Variants in AJM1 observed in about 807,000 individuals in gnomAD.
AJM1 encodes the protein uncharacterized protein C9orf172.
AJM1 carries 22 observed loss-of-function variants against 43.0 expected under a neutral mutation model. The ratio of observed to expected loss-of-function variants is 0.51; its 90% CI spans 0.37 to 0.73. The LOEUF is 0.73. AJM1 is among the 30% of genes least tolerant of loss of function. AJM1 has a pLI of 0.00. For missense variants in AJM1, 1,305 were observed against 1,343.3 expected, an observed-to-expected ratio of 0.97 and a Z score of 0.45; for synonymous variants, 719 against 638.3, an observed-to-expected ratio of 1.13 and a Z score of -1.91.
At position 136,844,613 on chromosome 9, in the gene AJM1, C is replaced by G. The variant is rs1412687041; in HGVS notation, c.199C>G (p.Leu67Val). The G allele has an allele frequency of 3.8e-6, 6 of 1,563,508 alleles. No homozygotes were observed. Among genetic ancestry groups the G allele is most frequent in the Non-Finnish European group, 5.2e-6 (6 of 1,156,944 alleles). ...GCTGGACGGGCCGGCCATGGAGACC[C>G]TGCCGGAGCCACCGCCGCCGGAGTC... ...EALDGPAMETLPEPPPPESAV... is the reference protein window; with the variant it reads ...EALDGPAMETVPEPPPPESAV... The change falls in exon 3 of 3, where the codon CTG (leucine) becomes GTG (valine). Residue 67 changes from leucine to valine, a missense_variant. By Grantham distance (32) the Leu-to-Val change is conservative (BLOSUM62 1). This residue lies in a region of AJM1 where 128 missense variants were observed against 120.6 expected (regional missense o/e 1.06). Coordinates refer to ENST00000436881, the MANE Select transcript of AJM1 (RefSeq NM_001080482.5).
rs928617836 is a variant in AJM1 at position 136,842,565 on chromosome 9, G to A, written c.-168G>A. Among the ~76,000 whole-genome samples, 9 of 152,366 alleles carry A rather than the reference G, an allele frequency of 5.9e-5. No individual in the cohort carries two copies. Among genetic ancestry groups the A allele is most frequent in the East Asian group, 1.9e-4 (1 of 5,192 alleles). Reference sequence around the variant, plus strand: ...CGACCTGGGGGTGGCACAGCCCACCGGGGCACAGCCAGAGCAGCACCCAGG... The same window carrying A: ...CGACCTGGGGGTGGCACAGCCCACCAGGGCACAGCCAGAGCAGCACCCAGG... On this transcript the variant is annotated 5_prime_UTR_variant, in exon 1 of 3. Transcript: ENST00000436881.
intron 1 of AJM1, among the ~76,000 whole-genome samples, 48 bp from the exon 2 acceptor site, chr9:136,844,148 G>C (rs1229872425): frequency 6.6e-6 from 1 of 152,166 alleles, no homozygotes; most frequent in Non-Finnish European, 1.5e-5. Context: ...GGGAGAGGAC[G>C]GGGGGACGGG....
chr9:136,846,373 C>T lies in AJM1; in HGVS notation c.1959C>T (p.Pro653=). The T allele has an allele frequency of 1.3e-6, 2 of 1,494,948 alleles. No individual in the cohort carries two copies. Among genetic ancestry groups the T allele is most frequent in the Non-Finnish European group, 1.8e-6 (2 of 1,124,148 alleles). The allele number at this position is 1,494,948 out of a possible 1,614,324, so 92.6% of individuals were successfully genotyped here. ...CGGGAGAGGCGGCCGACGCGTCCCC[C>T]GAACCCAGCGCCGACGAGGACGACC... ...AAPGEAADAS[P]EPSADEDDLM... is the part of the protein sequence containing the mutation. The change falls in exon 3 of 3, where the codon CCC becomes CCT. Residue 653 remains proline (P), a synonymous_variant. Transcript: ENST00000436881.
rs773635433 is a variant in AJM1, at chr9:136,846,455, C to G, written c.2041C>G (p.Leu681Val). Reference protein sequence around the residue: ...RRTETMFNACLYFKSCHSCYT... With the variant: ...RRTETMFNACVYFKSCHSCYT... Reference sequence around the variant, plus strand: ...CACCGAGACCATGTTCAACGCCTGCCTCTACTTCAAGTCCTGCCACAGCTG... The same window carrying G: ...CACCGAGACCATGTTCAACGCCTGCGTCTACTTCAAGTCCTGCCACAGCTG... Residue 681 changes from leucine (L) to valine (V), a missense_variant, in exon 3 of 3, where the codon CTC (leucine) becomes GTC (valine). Physicochemically the swap from Leu to Val is conservative, Grantham distance 32. This residue lies in a region of AJM1 where 391 missense variants were observed against 507.5 expected (regional missense o/e 0.77). Coordinates refer to ENST00000436881, the MANE Select transcript of AJM1 (RefSeq NM_001080482.5). The G allele has an allele frequency of 6.3e-7, 1 of 1,594,256 alleles. No homozygotes were observed. Among genetic ancestry groups the G allele is most frequent in the African/African-American group, 1.3e-5 (1 of 74,606 alleles).
Position 136,847,354 on chromosome 9 carries a change from GCCCACCAGGCCTAGCCCAGGCGCTGGC to G in AJM1, c.*12_*38del. On this transcript the variant is annotated 3_prime_UTR_variant, in exon 3 of 3. Transcript: ENST00000436881. Reference sequence around the variant, plus strand: ...TGGACGACATCATGTGAGGCGCCGGGCCCACCAGGCCTAGCCCAGGCGCTGGCCCGAACCCTGCCCTGCCCACTCAGG... The same window carrying G: ...TGGACGACATCATGTGAGGCGCCGGGCCGAACCCTGCCCTGCCCACTCAGG... 6.7e-7 allele frequency: 1 copy of G among 1,499,644 alleles called. No homozygotes were observed. The highest frequency in any genetic ancestry group is 2.6e-5 in the East Asian group (1 of 38,110). 92.9% of individuals were successfully genotyped at this position (1,499,644 alleles called of 1,614,324 possible). A position where few individuals can be genotyped will look rare whatever the true frequency, so the allele number is the denominator to read the frequency against.
rs1022008966 is a variant in AJM1, at chr9:136,847,073, G to A, written c.2659G>A (p.Asp887Asn). The A allele has an allele frequency of 2.7e-5, 39 of 1,461,354 alleles. No homozygotes were observed. In the African/African-American group the frequency reaches 3.9e-4, roughly 15 times the overall value. 90.5% of individuals were successfully genotyped at this position (1,461,354 alleles called of 1,614,324 possible). A position where few individuals can be genotyped will look rare whatever the true frequency, so the allele number is the denominator to read the frequency against. The change falls in exon 3 of 3, where the codon GAC becomes AAC. Residue 887 changes from aspartate (D) to asparagine (N), a missense_variant. Physicochemically the swap from Asp to Asn is conservative, Grantham distance 23. Transcript: ENST00000436881. Reference sequence around the variant, plus strand: ...GCCGGGCACGGCGGGCCTGGATCAGGACGGCGAGGCGGGCCGGCGCGCGCG... The same window carrying A: ...GCCGGGCACGGCGGGCCTGGATCAGAACGGCGAGGCGGGCCGGCGCGCGCG... ...PPPGTAGLDQ[D>N]GEAGRRAREV...
intron 1 of AJM1, among the ~76,000 whole-genome samples, 138 bp downstream of exon 1, chr9:136,842,727 G>GGGCAA (rs914593733): frequency 8.8e-4 from 134 of 152,310 alleles, no homozygotes; most frequent in African/African-American, 2.9e-3. Context: ...CTCCCAGCCA[G>GGGCAA]GGCAAGGCAA....
chr9:136,846,108 C>T lies in AJM1; in HGVS notation c.1694C>T (p.Ala565Val). The T allele has an allele frequency of 1.3e-6, 2 of 1,528,120 alleles. No homozygotes were observed. Among genetic ancestry groups the T allele is most frequent in the Non-Finnish European group, 1.8e-6 (2 of 1,142,516 alleles). 94.7% of individuals were successfully genotyped at this position (1,528,120 alleles called of 1,614,324 possible). A position where few individuals can be genotyped will look rare whatever the true frequency, so the allele number is the denominator to read the frequency against. Residue 565 changes from alanine (A) to valine (V), a missense_variant, in exon 3 of 3, where the codon GCC becomes GTC. Physicochemically the swap from Ala to Val is moderately conservative, Grantham distance 64 (BLOSUM62 0). Coordinates refer to ENST00000436881, the MANE Select transcript of AJM1 (RefSeq NM_001080482.5). ...GGRTRPPPHA[A>V]PDGPTSGRQR... ...CGCACGCGGCCACCTCCCCACGCGG[C>T]CCCCGACGGCCCCACCTCTGGCCGC...
Position 136,846,051 on chromosome 9 carries a change from C to T in AJM1, c.1637C>T (p.Pro546Leu), listed in dbSNP as rs770142218. 4 of 1,540,476 alleles carry T rather than the reference C, an allele frequency of 2.6e-6. No individual in the cohort carries two copies. Among genetic ancestry groups the T allele is most frequent in the Non-Finnish European group, 3.5e-6 (4 of 1,145,218 alleles). ...AATGACCTGCGCGCCACCGAGCGCCCGAGCGCCAGGGCCTGGGAGTTGCCC... is the reference window on the plus strand; with the variant it reads ...AATGACCTGCGCGCCACCGAGCGCCTGAGCGCCAGGGCCTGGGAGTTGCCC... The part of the protein sequence containing the change: ...TDNDLRATER[P>L]SARAWELPGG... The change falls in exon 3 of 3, where the codon CCG becomes CTG. Residue 546 changes from proline to leucine, a missense_variant. This residue lies in a region of AJM1 where 653 missense variants were observed against 549.1 expected (regional missense o/e 1.19). Transcript: ENST00000436881.
In AJM1 at chr9:136,845,121, C is replaced by A; in HGVS notation, c.707C>A (p.Ser236Ter). Residue 236 changes from serine to a stop codon, truncating the protein, a stop_gained, in exon 3 of 3, where the codon TCG becomes TAG. Coordinates refer to ENST00000436881, the MANE Select transcript of AJM1 (RefSeq NM_001080482.5). LOFTEE classifies it high-confidence loss of function. ...CCCGGGCCCCGCCACATGGCGCTGT[C>A]GCGCACCCCGACGCCCAGCGACTCA... Reference protein sequence around the residue: ...TVPGPRHMALSRTPTPSDSYC... With the variant: ...TVPGPRHMAL The A allele has an allele frequency of 6.6e-7, 1 of 1,520,126 alleles. No individual in the cohort carries two copies. The highest frequency in any genetic ancestry group is 9.0e-7 in the Non-Finnish European group (1 of 1,113,804). 94.2% of individuals were successfully genotyped at this position (1,520,126 alleles called of 1,614,324 possible).
Position 136,846,818 on chromosome 9 carries a change from G to A in AJM1, c.2404G>A (p.Ala802Thr). The change falls in exon 3 of 3, where the codon GCT becomes ACT. Residue 802 changes from alanine to threonine, a missense_variant. Physicochemically the swap from Ala to Thr is moderately conservative, Grantham distance 58. Coordinates refer to ENST00000436881, the MANE Select transcript of AJM1 (RefSeq NM_001080482.5). ...CAGCTACGCGCGCGAGCTGGCGGCC[G>A]CTGGGCGCCTCTACGAACCGGCAGA... The part of the protein sequence containing the change: ...LGSYARELAA[A>T]GRLYEPAECF... 1 of 1,589,956 alleles carries A rather than the reference G, an allele frequency of 6.3e-7. No homozygotes were observed. The highest frequency in any genetic ancestry group is 8.5e-7 in the Non-Finnish European group (1 of 1,175,142).
chr9:136,845,149 C>T lies in AJM1; in HGVS notation c.735C>T (p.Tyr245=), dbSNP rs1251584083. The change falls in exon 3 of 3, where the codon TAC becomes TAT. Residue 245 remains tyrosine, a synonymous_variant. Coordinates refer to ENST00000436881, the MANE Select transcript of AJM1 (RefSeq NM_001080482.5). The part of the protein sequence containing the change: ...LSRTPTPSDS[Y]CADPRAFYCD... ...GCACCCCGACGCCCAGCGACTCATA[C>T]TGTGCGGATCCCCGGGCGTTCTACT... The T allele has an allele frequency of 1.9e-6, 3 of 1,579,842 alleles. No homozygotes were observed. Among genetic ancestry groups the T allele is most frequent in the African/African-American group, 2.7e-5 (2 of 74,640 alleles).
chr9:136,847,491 GC>G lies in AJM1; in HGVS notation c.*148del. ...TCTAGGCCCCGCCTCTAATTCCCCAGCCTTCCAAGCTCCGCTCAGTTCGGCC... is the reference window on the plus strand; with the variant it reads ...TCTAGGCCCCGCCTCTAATTCCCCAGCTTCCAAGCTCCGCTCAGTTCGGCC... On this transcript the variant is annotated 3_prime_UTR_variant, in exon 3 of 3. Coordinates refer to ENST00000436881, the MANE Select transcript of AJM1 (RefSeq NM_001080482.5). 1.6e-6 allele frequency: 1 copy of G among 617,380 alleles called. No individual in the cohort carries two copies. Among genetic ancestry groups the G allele is most frequent in the Non-Finnish European group, 2.6e-6 (1 of 390,744 alleles). The allele number at this position is 617,380 out of a possible 1,614,324, so 38.2% of individuals were successfully genotyped here.
intron 1 of AJM1, among the ~76,000 whole-genome samples, 196 bp from the exon 2 acceptor site, chr9:136,844,000 C>T (rs1384384233): frequency 1.3e-5 from 2 of 152,182 alleles, no homozygotes; most frequent in African/African-American, 2.4e-5. Context: ...TCCCCTACCC[C>T]ACCCGGAAAG....
rs542467230 is a variant in AJM1 at position 136,845,549 on chromosome 9, T to C, written c.1135T>C (p.Phe379Leu). The C allele has an allele frequency of 2.3e-5, 37 of 1,595,534 alleles. No individual in the cohort carries two copies. The Middle Eastern group carries it at 6.6e-4, about 29-fold the overall frequency. ...STARPFYTED[F>L]GRYRERDVLA... ...CGCCCGCCCCTTTTACACGGAGGAC[T>C]TCGGAAGGTACCGCGAGCGTGACGT... The change falls in exon 3 of 3, where the codon TTC (phenylalanine) becomes CTC (leucine). Residue 379 changes from phenylalanine (F) to leucine (L), a missense_variant. Transcript: ENST00000436881.
Position 136,847,031 on chromosome 9 carries a change from C to A in AJM1, c.2617C>A (p.Leu873Met). 1 of 1,329,082 alleles carries A rather than the reference C, an allele frequency of 7.5e-7. No individual in the cohort carries two copies. Among genetic ancestry groups the A allele is most frequent in the Middle Eastern group, 2.1e-4 (1 of 4,744 alleles). 82.3% of individuals were successfully genotyped at this position (1,329,082 alleles called of 1,614,324 possible). The part of the protein sequence containing the change: ...ARSREPDMET[L>M]ILTPPPGTAG... ...GAGCCGCGAGCCCGACATGGAGACG[C>A]TGATCCTGACGCCACCGCCGGGCAC... Residue 873 changes from leucine to methionine, a missense_variant, in exon 3 of 3, where the codon CTG (leucine) becomes ATG (methionine). Transcript: ENST00000436881.
chr9:136,845,121 C>T lies in AJM1; in HGVS notation c.707C>T (p.Ser236Leu). The change falls in exon 3 of 3, where the codon TCG becomes TTG. Residue 236 changes from serine (S) to leucine (L), a missense_variant. By Grantham distance (145) the Ser-to-Leu change is moderately radical. Around this residue, in one of 6 missense-constraint regions of AJM1, gnomAD observed 653 missense variants for 549.1 expected, o/e 1.19. Coordinates refer to ENST00000436881, the MANE Select transcript of AJM1 (RefSeq NM_001080482.5). The part of the protein sequence containing the change: ...TVPGPRHMAL[S>L]RTPTPSDSYC... The stretch of plus-strand genomic sequence containing the variant: ...CCCGGGCCCCGCCACATGGCGCTGT[C>T]GCGCACCCCGACGCCCAGCGACTCA... 1 of 1,520,128 alleles carries T rather than the reference C, an allele frequency of 6.6e-7. No homozygotes were observed. The highest frequency in any genetic ancestry group is 9.0e-7 in the Non-Finnish European group (1 of 1,113,804). The allele number at this position is 1,520,128 out of a possible 1,614,324, so 94.2% of individuals were successfully genotyped here. A position where few individuals can be genotyped will look rare whatever the true frequency, so the allele number is the denominator to read the frequency against.
At chr9:136,843,744 T>C (rs1848732226) in intron 1 of AJM1, among the ~76,000 whole-genome samples, 1 of 152,124 alleles carries the variant, frequency 6.6e-6, no homozygotes, top group African/African-American at 2.4e-5. Flanking sequence ...GGCGGGGCTC[T>C]GTGCTCGGCC....
rs1355293430 is a variant in AJM1, at chr9:136,845,737, C to T, written c.1323C>T (p.Asp441=). Residue 441 remains aspartate (D), a synonymous_variant, in exon 3 of 3, where the codon GAC becomes GAT. Transcript: ENST00000436881. ...CCAGTCCGCCCCGGCTGGCCACCGA[C>T]AGCCGCCACTACTCGCGCTCCTGGG... is the stretch of plus-strand genomic sequence containing the variant. ...TGTSPPRLAT[D]SRHYSRSWDN... is the part of the protein sequence containing the mutation. 6.4e-7 allele frequency: 1 copy of T among 1,558,980 alleles called. No homozygotes were observed. Among genetic ancestry groups the T allele is most frequent in the Admixed American group, 1.9e-5 (1 of 53,890 alleles).
Sources: gnomAD v4.1 joint callset for allele counts (sites outside exome capture counted in the v4.1 genomes callset) on GRCh38, gnomAD v4.1.1 for gene constraint, gnomAD v4.1.1 regional missense constraint, MANE v1.5 for transcripts, NCBI Gene and HGNC (gene_info 2026-07-23, HGNC 2026-07-21) for gene names.